The following IRX6 variants were observed in gnomAD, a reference collection of about 807,000 sequenced individuals.
The protein encoded by IRX6 is iroquois homeobox 6, also known as iroquois-class homeodomain protein IRX-6.
A neutral mutation model predicts 47.7 loss-of-function variants in IRX6; 46 were observed. That is an observed-to-expected ratio of 0.96 (90% CI 0.76 to 1.23). The LOEUF is 1.23. IRX6 is among the 50% of genes most tolerant of loss of function. The pLI, the probability that IRX6 is intolerant of heterozygous loss-of-function variation, is 0.00. For synonymous variants in IRX6, 265 were observed against 246.2 expected (o/e 1.08, Z -0.72); for missense variants, 722 against 588.0 (o/e 1.23, Z -2.36).
At chr16:55,328,435 A>G (rs1035884995) in intron 4 of IRX6, among the ~76,000 whole-genome samples, 5 of 152,168 alleles carry the variant, frequency 3.3e-5, no homozygotes, top group Non-Finnish European at 7.4e-5. Context: ...GGCAGCGCCA[A>G]GTGGCATTTC....
chr16:55,325,234 G>A lies in IRX6; in HGVS notation c.45+98G>A, dbSNP rs578104841. 9.1e-5 allele frequency: 107 copies of A among 1,180,988 alleles called. No individual in the cohort carries two copies. The Admixed American group carries it at 1.5e-3, about 17-fold the overall frequency. The allele number at this position is 1,180,988 out of a possible 1,614,324, so 73.2% of individuals were successfully genotyped here. ...TGATCATCCTCCTCTTGTGTTCTGG[G>A]GGAAGCCAGAAGGAGCAAGGACCAG... On this transcript the variant is annotated intron_variant, in intron 1 of 5. Transcript: ENST00000290552.
chr16:55,326,160 C>T, intron 1 of IRX6, 176 bp from the exon 2 acceptor site: 1 of 635,926 alleles, frequency 1.6e-6, no homozygotes, highest in Non-Finnish European at 2.7e-6. Context: ...GTCCCAGCAC[C>T]TAACAGAATG....
In IRX6 at chr16:55,329,046, C is replaced by G; in HGVS notation, c.1068C>G (p.His356Gln). ...LEKPRIWSLA[H>Q]TATASAVEGA... ...AACCGCGCATCTGGTCTCTGGCGCACACCGCGACAGCCAGCGCTGTTGAAG... is the reference window on the plus strand; with the variant it reads ...AACCGCGCATCTGGTCTCTGGCGCAGACCGCGACAGCCAGCGCTGTTGAAG... The change falls in exon 5 of 6, where the codon CAC becomes CAG. Residue 356 changes from histidine to glutamine, a missense_variant. By Grantham distance (24) the His-to-Gln change is conservative (BLOSUM62 0). Transcript: ENST00000290552. The G allele has an allele frequency of 6.2e-7, 1 of 1,614,020 alleles. No homozygotes were observed. Among genetic ancestry groups the G allele is most frequent in the Non-Finnish European group, 8.5e-7 (1 of 1,180,040 alleles).
chr16:55,326,375 T>G lies in IRX6; in HGVS notation c.85T>G (p.Ser29Ala). ...AAGTTCCAGCACCACATGCTGCGAA[T>G]CTACCCAACGCTCTGTCTCAGATGT... ...SASSSTTCCE[S>A]TQRSVSDVAS... is the part of the protein sequence containing the mutation. The change falls in exon 2 of 6, where the codon TCT becomes GCT. Residue 29 changes from serine to alanine, a missense_variant. Ser to Ala is a moderately conservative substitution (Grantham distance 99, BLOSUM62 1). Coordinates refer to ENST00000290552, the MANE Select transcript of IRX6 (RefSeq NM_024335.3). 6.2e-7 allele frequency: 1 copy of G among 1,613,974 alleles called. No individual in the cohort carries two copies. Among genetic ancestry groups the G allele is most frequent in the Non-Finnish European group, 8.5e-7 (1 of 1,179,994 alleles).
chr16:55,324,415 G>A lies in IRX6; in HGVS notation c.-677G>A, dbSNP rs1159546354. On this transcript the variant is annotated 5_prime_UTR_variant, in exon 1 of 6. In the 5' UTR this introduces an upstream ATG that the reference lacks. Coordinates refer to ENST00000290552, the MANE Select transcript of IRX6 (RefSeq NM_024335.3). The surrounding 1 kb of genome is among the most constrained non-coding windows in gnomAD (Gnocchi z 4.4). ...CCTCCTCCGGGCCGCAGGGGAGGAG[G>A]TGAGCGCGCTGCGCCCGGGGCCTGC... is the stretch of plus-strand genomic sequence containing the variant. 6.6e-6 allele frequency: 1 copy of A among 152,020 alleles called. No homozygotes were observed. The highest frequency in any genetic ancestry group is 1.5e-5 in the Non-Finnish European group (1 of 68,028). 9.4% of individuals were successfully genotyped at this position (152,020 alleles called of 1,614,324 possible).
At position 55,324,780 on chromosome 16, in the gene IRX6, C is replaced by T. The variant is rs1960478974; in HGVS notation, c.-312C>T. On this transcript the variant is annotated 5_prime_UTR_variant, in exon 1 of 6. Coordinates refer to ENST00000290552, the MANE Select transcript of IRX6 (RefSeq NM_024335.3). This position sits in a 1 kb window ranked among gnomAD's most constrained non-coding sequence, Gnocchi z 4.4. ...GGGACACCTCCGGAGCCTCACAGCC[C>T]CGCGCCGCGCCGCGCCTCACCTCGC... 2.2e-6 allele frequency: 1 copy of T among 457,258 alleles called. No individual in the cohort carries two copies. Among genetic ancestry groups the T allele is most frequent in the East Asian group, 4.4e-5 (1 of 22,656 alleles). 28.3% of individuals were successfully genotyped at this position (457,258 alleles called of 1,614,324 possible).
intron 2 of IRX6, 137 bp from the exon 3 acceptor site, chr16:55,327,159 A>G (rs560002994): frequency 3.1e-6 from 2 of 652,884 alleles, no homozygotes; most frequent in East Asian, 2.7e-5. Context: ...TGGTTAAGCC[A>G]CTGGTTAAGC....
Position 55,325,498 on chromosome 16 carries a change from G to GACA in IRX6, c.45+362_45+363insACA, listed in dbSNP as rs71310722. Reference sequence around the variant, plus strand: ...AAGAAATAAGGAAGGAAGGAAGGAAGGAAGGAAGGAAGGAAGGAAGGAAGG... The same window carrying GACA: ...AAGAAATAAGGAAGGAAGGAAGGAAGACAGAAGGAAGGAAGGAAGGAAGGAAGG... On this transcript the variant is annotated intron_variant, in intron 1 of 5. Transcript: ENST00000290552. 6.8e-4 allele frequency among the ~76,000 whole-genome samples: 13 copies of GACA among 19,012 alleles called. 2 individuals carry two copies. The highest frequency in any genetic ancestry group is 0.016 in the Middle Eastern group (1 of 62). The allele number at this position is 19,012 out of a possible 152,430, so 12.5% of individuals were successfully genotyped here.
Position 55,330,719 on chromosome 16 carries a change from A to C in IRX6, c.*414A>C. ...ACCCTGTGCGTCTTCTCCCCCTCCT[A>C]AGCCCTTGTGTCCTTAAAAATAATC... On this transcript the variant is annotated 3_prime_UTR_variant, in exon 6 of 6. Transcript: ENST00000290552. The C allele has an allele frequency of 3.7e-6, 1 of 266,912 alleles. No homozygotes were observed. Among genetic ancestry groups the C allele is most frequent in the Non-Finnish European group, 7.3e-6 (1 of 137,386 alleles). The allele number at this position is 266,912 out of a possible 1,614,324, so 16.5% of individuals were successfully genotyped here.
In IRX6 at chr16:55,328,827, G is replaced by C; in HGVS notation, c.849G>C (p.Thr283=). Residue 283 remains threonine, a synonymous_variant, in exon 5 of 6, where the codon ACG becomes ACC. Transcript: ENST00000290552. ...TGGCCACAGCTGGGGACAGGCTGACGGAGTTCCGAAAGGGCGCGCAGTCAC... is the reference window on the plus strand; with the variant it reads ...TGGCCACAGCTGGGGACAGGCTGACCGAGTTCCGAAAGGGCGCGCAGTCAC... The part of the protein sequence containing the change: ...EVVATAGDRL[T]EFRKGAQSLP... 6.2e-7 allele frequency: 1 copy of C among 1,612,970 alleles called. No individual in the cohort carries two copies. Among genetic ancestry groups the C allele is most frequent in the Non-Finnish European group, 8.5e-7 (1 of 1,179,972 alleles).
In IRX6 at chr16:55,329,040, G is replaced by A; in HGVS notation, c.1062G>A (p.Leu354=). 4.3e-6 allele frequency: 7 copies of A among 1,613,988 alleles called. No individual in the cohort carries two copies. The highest frequency in any genetic ancestry group is 4.2e-6 in the Non-Finnish European group (5 of 1,180,044). Residue 354 remains leucine (L), a synonymous_variant, in exon 5 of 6, where the codon CTG becomes CTA. Coordinates refer to ENST00000290552, the MANE Select transcript of IRX6 (RefSeq NM_024335.3). ...TGGAGAAACCGCGCATCTGGTCTCT[G>A]GCGCACACCGCGACAGCCAGCGCTG... ...PCLEKPRIWS[L]AHTATASAVE... is the part of the protein sequence containing the mutation.
chr16:55,328,613 T>C (rs1960579699), intron 4 of IRX6, 87 bp from the exon 5 acceptor site: 1 of 1,401,704 alleles, frequency 7.1e-7, no homozygotes, highest in Non-Finnish European at 9.8e-7. Flanking sequence ...GCAGGGCGCT[T>C]CTTGCTAAAA....
chr16:55,325,418 C>T (rs1199824378), intron 1 of IRX6, among the ~76,000 whole-genome samples: 1 of 149,838 alleles, frequency 6.7e-6, no homozygotes, highest in African/African-American at 2.5e-5. Flanking sequence ...GTCAGGCCTC[C>T]TCCTATACAG....
At position 55,329,161 on chromosome 16, in the gene IRX6, C is replaced by T. The variant is rs762232426; in HGVS notation, c.1183C>T (p.Pro395Ser). The T allele has an allele frequency of 2.5e-6, 4 of 1,614,008 alleles. No homozygotes were observed. In the Admixed American group the frequency reaches 6.7e-5, roughly 27 times the overall value. The change falls in exon 5 of 6, where the codon CCC (proline) becomes TCC (serine). Residue 395 changes from proline (P) to serine (S), a missense_variant. Transcript: ENST00000290552. Reference sequence around the variant, plus strand: ...TGCCTCTGCCCGGCGACTCTCAGTCCCCAGAGACTCCGCGTGCGACGAGTC... The same window carrying T: ...TGCCTCTGCCCGGCGACTCTCAGTCTCCAGAGACTCCGCGTGCGACGAGTC... ...PPASARRLSV[P>S]RDSACDESSC...
intron 1 of IRX6, 39 bp downstream of exon 1, chr16:55,325,175 G>C: frequency 6.3e-7 from 1 of 1,599,058 alleles, no homozygotes; most frequent in Non-Finnish European, 8.6e-7. Context: ...GACAGACTGG[G>C]TGGAGGGAGT....
chr16:55,328,754 T>C lies in IRX6; in HGVS notation c.776T>C (p.Leu259Pro), dbSNP rs770250481. The change falls in exon 5 of 6, where the codon CTG becomes CCG. Residue 259 changes from leucine (L) to proline (P), a missense_variant. Coordinates refer to ENST00000290552, the MANE Select transcript of IRX6 (RefSeq NM_024335.3). ...RGLRLSDLEDLEEEEEEEEEA... is the reference protein window; with the variant it reads ...RGLRLSDLEDPEEEEEEEEEA... ...CTCCGGCTGAGTGACCTGGAAGACC[T>C]GGAGGAAGAGGAGGAGGAGGAGGAG... is the stretch of plus-strand genomic sequence containing the variant. 6.2e-6 allele frequency: 10 copies of C among 1,612,882 alleles called. No homozygotes were observed. Among genetic ancestry groups the C allele is most frequent in the Non-Finnish European group, 8.5e-6 (10 of 1,179,962 alleles).
rs1555483792 is a variant in IRX6, at chr16:55,324,680, T to TCCCGGGG, written c.-404_-398dup. 1.4e-5 allele frequency: 3 copies of TCCCGGGG among 214,536 alleles called. No homozygotes were observed. Among genetic ancestry groups the TCCCGGGG allele is most frequent in the Non-Finnish European group, 2.8e-5 (3 of 107,242 alleles). 13.3% of individuals were successfully genotyped at this position (214,536 alleles called of 1,614,324 possible). A position where few individuals can be genotyped will look rare whatever the true frequency, so the allele number is the denominator to read the frequency against. ...GCTTGGCACGCTTGGTGGCCCAGGG[T>TCCCGGGG]CCCGGGGCCCGGGGTCCCGTCTGGC... On this transcript the variant is annotated 5_prime_UTR_variant, in exon 1 of 6. Transcript: ENST00000290552. The surrounding 1 kb of genome is among the most constrained non-coding windows in gnomAD (Gnocchi z 4.4).
At position 55,324,812 on chromosome 16, in the gene IRX6, G is replaced by T; in HGVS notation, c.-280G>T. The T allele has an allele frequency of 1.9e-6, 1 of 520,378 alleles. No homozygotes were observed. Among genetic ancestry groups the T allele is most frequent in the Non-Finnish European group, 3.4e-6 (1 of 290,044 alleles). 32.2% of individuals were successfully genotyped at this position (520,378 alleles called of 1,614,324 possible). On this transcript the variant is annotated 5_prime_UTR_variant, in exon 1 of 6. Transcript: ENST00000290552. This position sits in a 1 kb window ranked among gnomAD's most constrained non-coding sequence, Gnocchi z 4.4. ...GCGCCGCGCCTCACCTCGCCACCACGCGCCTTTGGGAACCCGCATCTTCTT... is the reference window on the plus strand; with the variant it reads ...GCGCCGCGCCTCACCTCGCCACCACTCGCCTTTGGGAACCCGCATCTTCTT...
Position 55,329,386 on chromosome 16 carries a change from A to C in IRX6, c.1333+75A>C. The C allele has an allele frequency of 2.7e-6, 4 of 1,505,432 alleles. No individual in the cohort carries two copies. In the South Asian group the frequency reaches 5.1e-5, roughly 19 times the overall value. The allele number at this position is 1,505,432 out of a possible 1,614,324, so 93.3% of individuals were successfully genotyped here. ...CTACCGCCCCGCCCGGCAATTGCAC[A>C]CCCTCTGCCATTCCAGTCTGCCCAG... On this transcript the variant is annotated intron_variant, in intron 5 of 5. Coordinates refer to ENST00000290552, the MANE Select transcript of IRX6 (RefSeq NM_024335.3).
Sources: gnomAD v4.1 joint callset for allele counts (sites outside exome capture counted in the v4.1 genomes callset) on GRCh38, gnomAD v4.1.1 for gene constraint, Gnocchi (gnomAD v3.1) non-coding constraint, MANE v1.5 for transcripts, NCBI Gene and HGNC (gene_info 2026-07-23, HGNC 2026-07-21) for gene names.